Variants in FAM120A observed in about 807,000 individuals in gnomAD.
FAM120A encodes family with sequence similarity 120 member A.
A neutral mutation model predicts 109.7 loss-of-function variants in FAM120A; 15 were observed. The observed-to-expected ratio is 0.14, with a 90% confidence interval of 0.09 to 0.21. The LOEUF is 0.21. FAM120A is among the 10% of genes least tolerant of loss of function. FAM120A has a pLI of 1.00. For missense variants in FAM120A, 899 were observed against 1,439.3 expected (o/e 0.62, Z 6.07); for synonymous variants, 493 against 572.8 (o/e 0.86, Z 1.99).
chr9:93,454,797 T>C (rs1207743075), intron 1 of FAM120A, among the ~76,000 whole-genome samples: 1 of 152,230 alleles, frequency 6.6e-6, no homozygotes, highest in Non-Finnish European at 1.5e-5. Flanking sequence ...GTATACCATT[T>C]AATAAAAGAT....
At chr9:93,523,037 G>C (rs1288635973) in intron 7 of FAM120A, among the ~76,000 whole-genome samples, 1 of 152,204 alleles carries the variant, frequency 6.6e-6, no homozygotes, top group Non-Finnish European at 1.5e-5. Context: ...GTGCGTGACA[G>C]GTTTGCTGAG....
intron 11 of FAM120A, among the ~76,000 whole-genome samples, chr9:93,545,023 C>T (rs1861831314): frequency 6.6e-6 from 1 of 152,200 alleles, no homozygotes; most frequent in Non-Finnish European, 1.5e-5. Context: ...CAGCTCACTG[C>T]ACCATCATCT....
chr9:93,536,654 C>T (rs1861528643), intron 10 of FAM120A, among the ~76,000 whole-genome samples: 1 of 152,194 alleles, frequency 6.6e-6, no homozygotes, highest in African/African-American at 2.4e-5. Context: ...TAATTTACAG[C>T]TAGCTTTCCT....
intron 1 of FAM120A, among the ~76,000 whole-genome samples, chr9:93,465,909 AT>A (rs1427379224): frequency 2.0e-5 from 3 of 152,142 alleles, no homozygotes; most frequent in African/African-American, 7.2e-5. Context: ...CAGGTGTTTT[AT>A]AGAATGTCCC....
chr9:93,523,191 C>T (rs1860916516), intron 7 of FAM120A: 1 of 451,574 alleles, frequency 2.2e-6, no homozygotes. Flanking sequence ...TTTTATTTGG[C>T]TCCCTTTGAT....
At chr9:93,490,122 A>G (rs145034658) in intron 3 of FAM120A, among the ~76,000 whole-genome samples, 2 of 152,336 alleles carry the variant, frequency 1.3e-5, no homozygotes, top group East Asian at 3.9e-4. Flanking sequence ...ATGAATGAAT[A>G]TTGACCAAAT....
chr9:93,458,545 C>G (rs1699669954), intron 1 of FAM120A, among the ~76,000 whole-genome samples: 1 of 151,992 alleles, frequency 6.6e-6, no homozygotes, highest in Admixed American at 6.6e-5. Flanking sequence ...TTCCAGTACC[C>G]CCAACATTTG....
At chr9:93,547,474 C>A (rs1339681977) in intron 11 of FAM120A, among the ~76,000 whole-genome samples, 1 of 152,144 alleles carries the variant, frequency 6.6e-6, no homozygotes, top group Non-Finnish European at 1.5e-5. Flanking sequence ...CCCCAGCTTC[C>A]ATGCTTGTAA....
In FAM120A at chr9:93,547,506, G is replaced by A. The variant is rs147363938; in HGVS notation, c.2160-3071G>A. 5.9e-5 allele frequency among the ~76,000 whole-genome samples: 9 copies of A among 152,264 alleles called. No homozygotes were observed. In the East Asian group the frequency reaches 1.7e-3, roughly 29 times the overall value. On this transcript the variant is annotated intron_variant, in intron 11 of 17. Transcript: ENST00000277165. ...GTAAAGGGCAGTGAGAGGAGATGGGGTCAAGGTCAGCCAGCCTTAGGAGGG... is the reference window on the plus strand; with the variant it reads ...GTAAAGGGCAGTGAGAGGAGATGGGATCAAGGTCAGCCAGCCTTAGGAGGG...
At chr9:93,554,998 G>T (rs1332526864) in intron 12 of FAM120A, among the ~76,000 whole-genome samples, 1 of 152,186 alleles carries the variant, frequency 6.6e-6, no homozygotes, top group African/African-American at 2.4e-5. Flanking sequence ...AACAGGGTTG[G>T]CTCCCTCTTT....
intron 3 of FAM120A, among the ~76,000 whole-genome samples, chr9:93,485,784 C>T (rs1859018521): frequency 6.7e-6 from 1 of 149,452 alleles, no homozygotes; most frequent in South Asian, 2.2e-4. Context: ...CTTCGGCAGT[C>T]ACTCTCCACT....
chr9:93,481,207 T>C (rs1014278657), intron 3 of FAM120A, among the ~76,000 whole-genome samples: 1 of 152,262 alleles, frequency 6.6e-6, no homozygotes, highest in Non-Finnish European at 1.5e-5. Flanking sequence ...GCTGTAGACA[T>C]GTGCTAAGTG....
At chr9:93,520,763 A>G (rs1341090771) in intron 7 of FAM120A, among the ~76,000 whole-genome samples, 2 of 152,332 alleles carry the variant, frequency 1.3e-5, no homozygotes, top group South Asian at 4.1e-4. Context: ...AGCCTCATAC[A>G]CACTACAGAA....
At chr9:93,486,173 C>T (rs1027208976) in intron 3 of FAM120A, among the ~76,000 whole-genome samples, 3 of 151,938 alleles carry the variant, frequency 2.0e-5, no homozygotes, top group African/African-American at 7.3e-5. Context: ...CAGGGTTTCA[C>T]CATGTTGCCC....
intron 5 of FAM120A, among the ~76,000 whole-genome samples, chr9:93,514,637 C>T (rs1564337803): frequency 6.6e-6 from 1 of 152,204 alleles, no homozygotes; most frequent in South Asian, 2.1e-4. Context: ...GCCCTCAGCA[C>T]CTAAGTGTTC....
intron 1 of FAM120A, among the ~76,000 whole-genome samples, chr9:93,454,144 C>G (rs1857438622): frequency 6.6e-6 from 1 of 152,216 alleles, no homozygotes; most frequent in African/African-American, 2.4e-5. Context: ...TAGATTTAAG[C>G]TCCATTTAAG....
intron 7 of FAM120A, among the ~76,000 whole-genome samples, chr9:93,521,049 A>T (rs1474237062): frequency 6.6e-6 from 1 of 152,204 alleles, no homozygotes; most frequent in Non-Finnish European, 1.5e-5. Context: ...CTCTTTTGAA[A>T]TACAAATTTC....
chr9:93,496,044 C>T (rs1331985630), intron 3 of FAM120A, among the ~76,000 whole-genome samples: 1 of 152,222 alleles, frequency 6.6e-6, no homozygotes, highest in East Asian at 1.9e-4. Flanking sequence ...ATAACAAGTA[C>T]TTCTTCATTT....
rs1858313704 is a variant in FAM120A, at chr9:93,471,516, C to G, written c.721+129C>G. 4 of 1,165,824 alleles carry G rather than the reference C, an allele frequency of 3.4e-6. No homozygotes were observed. In the East Asian group the frequency reaches 9.4e-5, roughly 28 times the overall value. 72.2% of individuals were successfully genotyped at this position (1,165,824 alleles called of 1,614,324 possible). On this transcript the variant is annotated intron_variant, in intron 2 of 17. Transcript: ENST00000277165. Reference sequence around the variant, plus strand: ...ACATTGAAAAGAACCAAGGCGTGGGCTCTTCCTTAGCATTCCTTGCTTCGT... The same window carrying G: ...ACATTGAAAAGAACCAAGGCGTGGGGTCTTCCTTAGCATTCCTTGCTTCGT...
Sources: allele counts gnomAD v4.1 joint callset (sites outside exome capture counted in the v4.1 genomes callset), GRCh38; gene constraint gnomAD v4.1.1; transcripts MANE v1.5; gene names NCBI Gene and HGNC (gene_info 2026-07-23, HGNC 2026-07-21).